The following C2CD3 variants were observed in gnomAD, a reference collection of about 807,000 sequenced individuals.
The protein encoded by C2CD3 is C2 domain containing 3 centriole elongation regulator.
In C2CD3, 148 loss-of-function variants were observed where a neutral mutation model predicts 234.0. The ratio of observed to expected loss-of-function variants is 0.63; its 90% CI spans 0.55 to 0.72. The LOEUF is 0.72. Ranked by LOEUF, C2CD3 falls within the 30% of genes least tolerant of loss-of-function variation. The pLI is 0.00. For synonymous variants in C2CD3, 1,000 were observed against 1,035.4 expected, an observed-to-expected ratio of 0.97 and a Z score of 0.66; for missense variants, 2,577 against 2,811.5, an observed-to-expected ratio of 0.92 and a Z score of 1.89.
chr11:74,152,283 T>C (rs1215107514), intron 3 of C2CD3, among the ~76,000 whole-genome samples: 1 of 152,190 alleles, frequency 6.6e-6, no homozygotes, highest in Non-Finnish European at 1.5e-5. Context: ...TCTGTGCCAA[T>C]AAATTCAACA....
At chr11:74,056,979 C>T (rs1424355285) in intron 25 of C2CD3, among the ~76,000 whole-genome samples, 1 of 150,624 alleles carries the variant, frequency 6.6e-6, no homozygotes, top group Non-Finnish European at 1.5e-5. Flanking sequence ...AAGTGATGCT[C>T]CCACCTGGGC....
At chr11:74,054,446 G>A (rs1953861888) in intron 26 of C2CD3, among the ~76,000 whole-genome samples, 161 bp downstream of exon 26, 2 of 149,006 alleles carry the variant, frequency 1.3e-5, no homozygotes, top group Non-Finnish European at 3.0e-5. Context: ...GCCTTCTGGG[G>A]GATTACCCTC....
intron 20 of C2CD3, among the ~76,000 whole-genome samples, chr11:74,086,755 A>G (rs2135476957): frequency 6.6e-6 from 1 of 152,372 alleles, no homozygotes. Flanking sequence ...GTGTAGCTAC[A>G]GTATGGGACA....
intron 24 of C2CD3, among the ~76,000 whole-genome samples, chr11:74,073,606 TCAAAA>T (rs1954897916): frequency 1.5e-5 from 2 of 133,174 alleles, no homozygotes; most frequent in Non-Finnish European, 3.3e-5. Flanking sequence ...AAAAAAAAAA[TCAAAA>T]CAAACAAAAA....
chr11:74,027,051 T>C (rs1952331460), intron 32 of C2CD3, among the ~76,000 whole-genome samples: 1 of 152,130 alleles, frequency 6.6e-6, no homozygotes, highest in South Asian at 2.1e-4. Context: ...TCAGTTTCTT[T>C]ATATATACAC....
chr11:74,096,828 A>G (rs993318373), intron 16 of C2CD3, among the ~76,000 whole-genome samples: 1 of 152,210 alleles, frequency 6.6e-6, no homozygotes, highest in African/African-American at 2.4e-5. Flanking sequence ...AAATACGATT[A>G]TCTATTGACA....
chr11:74,084,995 A>G, intron 21 of C2CD3, 25 bp from the exon 22 acceptor site: 2 of 1,390,982 alleles, frequency 1.4e-6, no homozygotes, highest in Non-Finnish European at 2.0e-6. Flanking sequence ...AAAAAAGAAA[A>G]ATTATTTGAT....
rs11501896 is a variant in C2CD3, at chr11:74,115,100, A to T, written c.1521-507T>A. On this transcript the variant is annotated intron_variant, in intron 9 of 32. Transcript: ENST00000334126. ...GAAATCTCAAAAAATGTAAAAAAAA[A>T]ATATAATCTAAAGGTTTGAGAGTGT... Among the ~76,000 whole-genome samples, 548 of 152,204 alleles carry T rather than the reference A, an allele frequency of 3.6e-3. 5 individuals are homozygous for T. Among genetic ancestry groups the T allele is most frequent in the African/African-American group, 0.012 (506 of 41,510 alleles).
At chr11:74,137,516 T>C (rs1957904598) in intron 5 of C2CD3, among the ~76,000 whole-genome samples, 1 of 149,590 alleles carries the variant, frequency 6.7e-6, no homozygotes, top group African/African-American at 2.5e-5. Context: ...CTGAAATTAA[T>C]AGTTTATAAT....
At chr11:74,028,233 C>T in intron 32 of C2CD3, 54 bp downstream of exon 32, 1 of 1,288,970 alleles carries the variant, frequency 7.8e-7, no homozygotes, top group Non-Finnish European at 1.1e-6. Flanking sequence ...GTGCACACTT[C>T]TGTGGAAGAG....
intron 24 of C2CD3, among the ~76,000 whole-genome samples, chr11:74,071,230 C>G (rs1357591587): frequency 6.6e-6 from 1 of 152,226 alleles, no homozygotes; most frequent in Non-Finnish European, 1.5e-5. Context: ...TCTCACATTT[C>G]TGGCAAGAGT....
intron 17 of C2CD3, among the ~76,000 whole-genome samples, chr11:74,094,475 A>C (rs1331012704): frequency 6.6e-6 from 1 of 152,200 alleles, no homozygotes; most frequent in Admixed American, 6.5e-5. Context: ...GCACTCTGGC[A>C]ATCATTCTGG....
intron 28 of C2CD3, among the ~76,000 whole-genome samples, chr11:74,042,512 G>C (rs958446598): frequency 1.2e-4 from 18 of 152,078 alleles, no homozygotes; most frequent in South Asian, 1.0e-3. Context: ...CAGCACTTTG[G>C]GGGGCTGAGG....
rs1952626542 is a variant in C2CD3, at chr11:74,034,125, G to C, written c.6035C>G (p.Pro2012Arg). The change falls in exon 31 of 33, where the codon CCA (proline) becomes CGA (arginine). Residue 2012 changes from proline (P) to arginine (R), a missense_variant. Coordinates refer to ENST00000334126, the MANE Select transcript of C2CD3 (RefSeq NM_001286577.2). ...TGATGGGGAATCTGTGCCTTTATCT[G>C]GAGCTCTTACCAATGGCTCATCTGG... ...TMPDEPLVRAPDKGTDSPSPP... is the reference protein window; with the variant it reads ...TMPDEPLVRARDKGTDSPSPP... The C allele has an allele frequency of 6.5e-7, 1 of 1,536,026 alleles. No homozygotes were observed. The highest frequency in any genetic ancestry group is 1.2e-5 in the South Asian group (1 of 84,060).
intron 15 of C2CD3, among the ~76,000 whole-genome samples, chr11:74,099,066 A>G (rs1218393016): frequency 6.6e-6 from 1 of 152,226 alleles, no homozygotes; most frequent in Non-Finnish European, 1.5e-5. Context: ...ACACACTCTG[A>G]GCAAAGAATG....
intron 7 of C2CD3, among the ~76,000 whole-genome samples, chr11:74,126,088 T>A (rs1294768676): frequency 6.6e-6 from 1 of 152,226 alleles, no homozygotes; most frequent in Non-Finnish European, 1.5e-5. Flanking sequence ...GGTAAACTTC[T>A]GAGACTATGG....
At chr11:74,016,409 A>T (rs1470472479) in intron 32 of C2CD3, among the ~76,000 whole-genome samples, 1 of 152,228 alleles carries the variant, frequency 6.6e-6, no homozygotes, top group Non-Finnish European at 1.5e-5. Context: ...ACCTACACCT[A>T]CTGGCTGGGC....
intron 20 of C2CD3, among the ~76,000 whole-genome samples, chr11:74,087,628 T>C (rs957419014): frequency 1.3e-5 from 2 of 151,788 alleles, no homozygotes; most frequent in African/African-American, 2.4e-5. Flanking sequence ...AGATAATATA[T>C]ACAAAAGAAA....
chr11:74,164,935 G>C (rs1250931929), intron 2 of C2CD3: 3 of 152,126 alleles, frequency 2.0e-5, no homozygotes, highest in African/African-American at 7.2e-5. Flanking sequence ...GGTGAGTGTC[G>C]TGGCATGTGC....
Sources: allele counts gnomAD v4.1 joint callset (sites outside exome capture counted in the v4.1 genomes callset), GRCh38; gene constraint gnomAD v4.1.1; transcripts MANE v1.5; gene names NCBI Gene and HGNC (gene_info 2026-07-23, HGNC 2026-07-21).